Variants in KRT7 observed in about 807,000 individuals in gnomAD.
The protein encoded by KRT7 is keratin, type II cytoskeletal 7.
In KRT7, 50 loss-of-function variants were observed where a neutral mutation model predicts 42.8. The observed-to-expected ratio is 1.17, with a 90% CI of 0.93 to 1.48. KRT7 has a LOEUF of 1.48. Ranked by LOEUF, KRT7 falls within the 40% of genes most tolerant of loss-of-function variation. KRT7 has a pLI of 0.00. For missense variants in KRT7, 588 were observed against 637.6 expected (o/e 0.92, Z 0.84); for synonymous variants, 268 against 266.3 (o/e 1.01, Z -0.06).
chr12:52,233,484 T>A lies in KRT7; in HGVS notation c.188T>A (p.Ile63Asn), dbSNP rs755121096. The A allele has an allele frequency of 1.2e-6, 2 of 1,610,470 alleles. No homozygotes were observed. The highest frequency in any genetic ancestry group is 1.7e-5 in the Admixed American group (1 of 59,894). ...SAYGGPVGAGIREVTINQSLL... is the reference protein window; with the variant it reads ...SAYGGPVGAGNREVTINQSLL... Reference sequence around the variant, plus strand: ...TATGGGGGCCCGGTGGGCGCCGGCATCCGCGAGGTCACCATTAACCAGAGC... The same window carrying A: ...TATGGGGGCCCGGTGGGCGCCGGCAACCGCGAGGTCACCATTAACCAGAGC... Residue 63 changes from isoleucine (I) to asparagine (N), a missense_variant, in exon 1 of 9, where the codon ATC (isoleucine) becomes AAC (asparagine). Physicochemically the swap from Ile to Asn is moderately radical, Grantham distance 149. Transcript: ENST00000331817.
chr12:52,247,971 G>A (rs992274839), intron 7 of KRT7: 3 of 596,790 alleles, frequency 5.0e-6, no homozygotes, highest in Non-Finnish European at 9.0e-6. Context: ...CTGGGGTCAG[G>A]TGGCCAGTGG....
At chr12:52,254,162 G>T (rs1422387889), downstream of KRT7, 7 of 490,752 alleles carry the variant, frequency 1.4e-5, no homozygotes, top group Admixed American at 2.4e-5. Flanking sequence ...CCTGCCTGGG[G>T]TTTCTCCCCT....
Position 52,245,434 on chromosome 12 carries a change from T to C in KRT7, c.1007T>C (p.Ile336Thr). 6.2e-7 allele frequency: 1 copy of C among 1,613,898 alleles called. No homozygotes were observed. The highest frequency in any genetic ancestry group is 1.1e-5 in the South Asian group (1 of 91,066). ...CAGCGTGCCAAGTTGGAGGCCGCCATTGCCGAGGCTGAGGAGCGTGGGGAG... is the reference window on the plus strand; with the variant it reads ...CAGCGTGCCAAGTTGGAGGCCGCCACTGCCGAGGCTGAGGAGCGTGGGGAG... ...KNQRAKLEAA[I>T]AEAEERGELA... The change falls in exon 7 of 9, where the codon ATT becomes ACT. Residue 336 changes from isoleucine to threonine, a missense_variant. By Grantham distance (89) the Ile-to-Thr change is moderately conservative (BLOSUM62 -1). Coordinates refer to ENST00000331817, the MANE Select transcript of KRT7 (RefSeq NM_005556.4).
Position 52,235,371 on chromosome 12 carries a change from T to A in KRT7, c.536+5T>A, listed in dbSNP as rs777963195. On this transcript the variant is annotated splice_donor_5th_base_variant and intron_variant, in intron 2 of 8. Coordinates refer to ENST00000331817, the MANE Select transcript of KRT7 (RefSeq NM_005556.4). ...GGTGGAGGACTTCAAGAATAAGTAATGCCCCCTGTGCCACATGCGAAGACC... is the reference window on the plus strand; with the variant it reads ...GGTGGAGGACTTCAAGAATAAGTAAAGCCCCCTGTGCCACATGCGAAGACC... The A allele has an allele frequency of 2.8e-5, 44 of 1,598,708 alleles. No homozygotes were observed. Among genetic ancestry groups the A allele is most frequent in the Non-Finnish European group, 3.6e-5 (42 of 1,171,264 alleles).
At position 52,248,909 on chromosome 12, in the gene KRT7, C is replaced by CTG; in HGVS notation, c.*149_*150insTG. On this transcript the variant is annotated 3_prime_UTR_variant, in exon 9 of 9. Transcript: ENST00000331817. ...CCAATAAAGCAGCCTCATTCTGAGG[C>CTG]CTGAGTGATCCACGTGCCTGGTATC... 1 of 684,464 alleles carries CTG rather than the reference C, an allele frequency of 1.5e-6. No individual in the cohort carries two copies. Among genetic ancestry groups the CTG allele is most frequent in the Non-Finnish European group, 2.2e-6 (1 of 463,034 alleles). 42.4% of individuals were successfully genotyped at this position (684,464 alleles called of 1,614,324 possible).
chr12:52,248,565 G>A (rs766498517), intron 8 of KRT7, 26 bp from the exon 9 acceptor site: 1 of 1,548,284 alleles, frequency 6.5e-7, no homozygotes, highest in Non-Finnish European at 8.7e-7. Context: ...TCACGCTGAA[G>A]AGAGCCCTCC....
downstream of KRT7, chr12:52,253,246 C>A: frequency 3.1e-6 from 5 of 1,610,670 alleles, no homozygotes; most frequent in Non-Finnish European, 4.2e-6. Context: ...CGGCTGTCAG[C>A]CTCTGGATCA....
At chr12:52,253,401 G>A (rs531528280), downstream of KRT7, 210 of 1,592,800 alleles carry the variant, frequency 1.3e-4, 3 homozygotes, top group East Asian at 5.8e-4. Context: ...AGGACACCAC[G>A]GATGATTGTG....
downstream of KRT7, among the ~76,000 whole-genome samples, chr12:52,254,757 C>T (rs140011846): frequency 6.6e-4 from 100 of 152,312 alleles, no homozygotes; most frequent in African/African-American, 2.4e-3. Flanking sequence ...GAAGAGGGCT[C>T]AGGGCTCAAC....
In KRT7 at chr12:52,238,732, C is replaced by T. The variant is rs1942043182; in HGVS notation, c.650C>T (p.Ala217Val). ...GTGGAGCTGGAGGCCAAGGTGGATG[C>T]CCTGAATGATGAGATCAACTTCCTC... ...SKVELEAKVDALNDEINFLRT... is the reference protein window; with the variant it reads ...SKVELEAKVDVLNDEINFLRT... Residue 217 changes from alanine to valine, a missense_variant, in exon 4 of 9, where the codon GCC (alanine) becomes GTC (valine). Coordinates refer to ENST00000331817, the MANE Select transcript of KRT7 (RefSeq NM_005556.4). 1 of 1,613,976 alleles carries T rather than the reference C, an allele frequency of 6.2e-7. No homozygotes were observed. The highest frequency in any genetic ancestry group is 1.3e-5 in the African/African-American group (1 of 75,044).
chr12:52,253,269 C>T (rs539317205), downstream of KRT7: 472 of 1,612,120 alleles, frequency 2.9e-4, 7 homozygotes, highest in South Asian at 3.2e-3. Context: ...CGGTTCAGCT[C>T]GTTGATCTCC....
downstream of KRT7, chr12:52,252,219 G>C (rs749410179): frequency 2.5e-6 from 4 of 1,610,614 alleles, no homozygotes; most frequent in Admixed American, 6.7e-5. Flanking sequence ...GCACTGCCTG[G>C]GGGAAACTGA....
chr12:52,255,624 T>C (rs1942323957), downstream of KRT7, among the ~76,000 whole-genome samples: 1 of 152,232 alleles, frequency 6.6e-6, no homozygotes, highest in African/African-American at 2.4e-5. Context: ...CTTTCATTCC[T>C]GATGTGGGTC....
intron 2 of KRT7, among the ~76,000 whole-genome samples, chr12:52,236,758 A>T (rs564522086): frequency 6.6e-6 from 1 of 152,278 alleles, no homozygotes; most frequent in African/African-American, 2.4e-5. Flanking sequence ...TTGAGTCTCA[A>T]CATAAACATT....
chr12:52,252,536 G>A (rs1480390034), downstream of KRT7: 15 of 1,593,602 alleles, frequency 9.4e-6, no homozygotes, highest in South Asian at 2.2e-5. Context: ...AGGGTCAGAG[G>A]CCAGGTAACC....
intron 1 of KRT7, among the ~76,000 whole-genome samples, chr12:52,234,277 T>G (rs919815474): frequency 6.6e-6 from 1 of 152,082 alleles, no homozygotes; most frequent in African/African-American, 2.4e-5. Flanking sequence ...GGGTCCATTT[T>G]GGAGATATTT....
intron 5 of KRT7, among the ~76,000 whole-genome samples, chr12:52,242,712 G>A (rs1942110719): frequency 6.6e-6 from 1 of 152,094 alleles, no homozygotes; most frequent in Non-Finnish European, 1.5e-5. Flanking sequence ...TGTTGAATGG[G>A]TGCGAATCTC....
chr12:52,253,122 C>T, downstream of KRT7: 3 of 1,215,640 alleles, frequency 2.5e-6, no homozygotes, highest in Non-Finnish European at 3.7e-6. Flanking sequence ...CCCTTGTCCC[C>T]ACACACTGGC....
In KRT7 at chr12:52,248,807, A is replaced by G. The variant is rs753425932; in HGVS notation, c.*47A>G. The G allele has an allele frequency of 1.4e-5, 20 of 1,477,310 alleles. No homozygotes were observed. In the East Asian group the frequency reaches 4.0e-4, roughly 29 times the overall value. 91.5% of individuals were successfully genotyped at this position (1,477,310 alleles called of 1,614,324 possible). A position where few individuals can be genotyped will look rare whatever the true frequency, so the allele number is the denominator to read the frequency against. On this transcript the variant is annotated 3_prime_UTR_variant, in exon 9 of 9. Transcript: ENST00000331817. ...CCTCCAGCCACCACCCACAATCACAAGAAGATTCCCACCCCTGCCTCCCAT... is the reference window on the plus strand; with the variant it reads ...CCTCCAGCCACCACCCACAATCACAGGAAGATTCCCACCCCTGCCTCCCAT...
Sources: allele counts gnomAD v4.1 joint callset (sites outside exome capture counted in the v4.1 genomes callset), GRCh38; gene constraint gnomAD v4.1.1; transcripts MANE v1.5; gene names NCBI Gene and HGNC (gene_info 2026-07-23, HGNC 2026-07-21).